Variants in NTN4 observed in about 807,000 individuals in gnomAD.
NTN4 encodes the protein netrin 4.
NTN4 carries 32 observed loss-of-function variants against 73.6 expected under a neutral mutation model. The ratio of observed to expected loss-of-function variants is 0.44; its 90% CI spans 0.33 to 0.58. The LOEUF (loss-of-function observed/expected upper bound fraction) is 0.58, where lower values mean the gene tolerates loss of function less well. Among genes scored for constraint, NTN4 ranks in the 20% least tolerant of loss-of-function variants. The probability of loss-of-function intolerance (pLI) is 0.04; values close to 1 mark genes in which losing one functional copy is unlikely to be tolerated. For synonymous variants in NTN4, 258 were observed against 287.5 expected (o/e 0.90, Z 1.04); for missense variants, 654 against 798.3 (o/e 0.82, Z 2.18).
chr12:95,666,391 A>T (rs1027994060), intron 8 of NTN4, among the ~76,000 whole-genome samples: 1 of 152,180 alleles, frequency 6.6e-6, no homozygotes, highest in Admixed American at 6.5e-5. Context: ...TGTAACCAAA[A>T]ACCACCTGTT....
At chr12:95,726,760 C>T (rs1045736844) in intron 3 of NTN4, among the ~76,000 whole-genome samples, 1 of 152,054 alleles carries the variant, frequency 6.6e-6, no homozygotes, top group Non-Finnish European at 1.5e-5. Flanking sequence ...GTCAGGAGTT[C>T]GACCTTCAGG....
rs767503050 is a variant in NTN4, at chr12:95,786,933, C to T, written c.585+6G>A. ...TTACAGTGTAGAGTTAAACAGGTGC[C>T]CTTACCTCTCCTCCAGTGCATGGAA... is the stretch of plus-strand genomic sequence containing the variant. On this transcript the variant is annotated splice_donor_region_variant and intron_variant, in intron 2 of 9. Coordinates refer to ENST00000343702, the MANE Select transcript of NTN4 (RefSeq NM_021229.4). The T allele has an allele frequency of 5.0e-6, 8 of 1,612,218 alleles. No individual in the cohort carries two copies.
chr12:95,779,679 A>G, intron 2 of NTN4, among the ~76,000 whole-genome samples: 1 of 152,108 alleles, frequency 6.6e-6, no homozygotes, highest in Non-Finnish European at 1.5e-5. Context: ...ATGGAAGAAC[A>G]TTCCATGCTC....
chr12:95,767,578 C>T lies in NTN4; in HGVS notation c.585+19361G>A, dbSNP rs943274288. Among the ~76,000 whole-genome samples the T allele has an allele frequency of 4.6e-5, 7 of 152,284 alleles. No homozygotes were observed. The South Asian group carries it at 1.5e-3, about 32-fold the overall frequency. The stretch of plus-strand genomic sequence containing the variant: ...CCAGTAAGCCAAATAGCTGCACAAG[C>T]TTGTCCACAGTGTCATAAGGCAGTT... On this transcript the variant is annotated intron_variant, in intron 2 of 9. Coordinates refer to ENST00000343702, the MANE Select transcript of NTN4 (RefSeq NM_021229.4).
intron 3 of NTN4, among the ~76,000 whole-genome samples, chr12:95,723,611 G>T (rs1056428755): frequency 6.6e-6 from 1 of 151,906 alleles, no homozygotes. Context: ...TGCCTCCCGG[G>T]TTCAAGCGAT....
intron 5 of NTN4, among the ~76,000 whole-genome samples, chr12:95,707,223 A>T (rs2078527451): frequency 6.6e-6 from 1 of 152,122 alleles, no homozygotes; most frequent in African/African-American, 2.4e-5. Flanking sequence ...GCTCATCAGT[A>T]CATATTAGAT....
At chr12:95,729,408 T>G (rs1170606718) in intron 3 of NTN4, among the ~76,000 whole-genome samples, 1 of 152,030 alleles carries the variant, frequency 6.6e-6, no homozygotes, top group Non-Finnish European at 1.5e-5. Flanking sequence ...CTTTTATGAG[T>G]TAACAAATAT....
chr12:95,701,389 C>T (rs1467228060), intron 5 of NTN4, among the ~76,000 whole-genome samples: 2 of 152,126 alleles, frequency 1.3e-5, no homozygotes, highest in African/African-American at 2.4e-5. Flanking sequence ...CTTGTGTTTA[C>T]AGACCTTAAA....
intron 7 of NTN4, among the ~76,000 whole-genome samples, chr12:95,671,921 T>C (rs2078233888): frequency 6.6e-6 from 1 of 152,126 alleles, no homozygotes; most frequent in African/African-American, 2.4e-5. Context: ...CAGCAGCTAG[T>C]GCTTACTGAG....
At chr12:95,702,173 G>A (rs937672040) in intron 5 of NTN4, among the ~76,000 whole-genome samples, 4 of 151,724 alleles carry the variant, frequency 2.6e-5, no homozygotes, top group African/African-American at 7.3e-5. Flanking sequence ...CCAGCTGCTC[G>A]GGTGGCTGAG....
In NTN4 at chr12:95,726,133, T is replaced by C. The variant is rs1440228316; in HGVS notation, c.864+11733A>G. Among the ~76,000 whole-genome samples the C allele has an allele frequency of 3.3e-5, 5 of 152,292 alleles. No homozygotes were observed. In the East Asian group the frequency reaches 9.6e-4, roughly 29 times the overall value. On this transcript the variant is annotated intron_variant, in intron 3 of 9. Transcript: ENST00000343702. ...GAGATAACATTCACGTAACATAAAA[T>C]TCACTATTTTTAACCATTCTAGTGT...
chr12:95,722,883 A>C (rs1459522954), intron 3 of NTN4, among the ~76,000 whole-genome samples: 1 of 149,330 alleles, frequency 6.7e-6, no homozygotes, highest in African/African-American at 2.5e-5. Context: ...CTGAGGCAGG[A>C]GAATCACTTG....
chr12:95,767,507 C>G (rs1470134320), intron 2 of NTN4, among the ~76,000 whole-genome samples: 13 of 152,194 alleles, frequency 8.5e-5, no homozygotes, highest in Admixed American at 8.5e-4. Flanking sequence ...TTGAATGTAG[C>G]TTAGCAGTGC....
Position 95,738,044 on chromosome 12 carries a change from A to G in NTN4, c.686T>C (p.Leu229Pro). The G allele has an allele frequency of 1.2e-6, 2 of 1,614,158 alleles. No homozygotes were observed. Among genetic ancestry groups the G allele is most frequent in the Non-Finnish European group, 1.7e-6 (2 of 1,180,008 alleles). The change falls in exon 3 of 10, where the codon CTG becomes CCG. Residue 229 changes from leucine (L) to proline (P), a missense_variant. Physicochemically the swap from Leu to Pro is moderately conservative, Grantham distance 98 (BLOSUM62 -3). Coordinates refer to ENST00000343702, the MANE Select transcript of NTN4 (RefSeq NM_021229.4). The stretch of plus-strand genomic sequence containing the variant: ...CTGACAGGGACAAGACTGTCGTTTC[A>G]GCAGCTGCACGCGAAGGTTGGTGAT... ...LKITNLRVQLLKRQSCPCQRN... is the reference protein window; with the variant it reads ...LKITNLRVQLPKRQSCPCQRN...
chr12:95,753,821 C>T (rs1312188601), intron 2 of NTN4, among the ~76,000 whole-genome samples: 14 of 151,800 alleles, frequency 9.2e-5, no homozygotes, highest in East Asian at 5.9e-4. Context: ...CCTGTATAGA[C>T]GCTCCTTTTT....
chr12:95,689,271 G>A (rs982800082), intron 5 of NTN4, among the ~76,000 whole-genome samples: 2 of 152,124 alleles, frequency 1.3e-5, no homozygotes, highest in African/African-American at 4.8e-5. Flanking sequence ...TGAAGCATTT[G>A]TAGTTTCCAA....
chr12:95,715,250 A>C (rs2078596958), intron 3 of NTN4, among the ~76,000 whole-genome samples: 1 of 152,106 alleles, frequency 6.6e-6, no homozygotes, highest in South Asian at 2.1e-4. Context: ...CATCTTGCTA[A>C]ATTTCATTTC....
intron 2 of NTN4, among the ~76,000 whole-genome samples, chr12:95,740,149 C>A (rs2078813092): frequency 6.6e-6 from 1 of 152,124 alleles, no homozygotes; most frequent in Admixed American, 6.6e-5. Flanking sequence ...ACCATGAAAT[C>A]TTTTTTCCAG....
intron 7 of NTN4, among the ~76,000 whole-genome samples, 155 bp downstream of exon 7, chr12:95,682,552 T>G (rs1346645480): frequency 6.6e-6 from 1 of 152,156 alleles, no homozygotes; most frequent in Non-Finnish European, 1.5e-5. Flanking sequence ...TTTTACAGTT[T>G]CATACTTACA....
Sources: gnomAD v4.1 joint callset for allele counts (sites outside exome capture counted in the v4.1 genomes callset) on GRCh38, gnomAD v4.1.1 for gene constraint, MANE v1.5 for transcripts, NCBI Gene and HGNC (gene_info 2026-07-23, HGNC 2026-07-21) for gene names.